ARL6IP6: variants seen among roughly 807,000 people sequenced by gnomAD.
The protein encoded by ARL6IP6 is ARF like GTPase 6 interacting protein 6, also known as ADP-ribosylation factor-like protein 6-interacting protein 6.
A neutral mutation model predicts 21.5 loss-of-function variants in ARL6IP6; 22 were observed. That is an observed-to-expected ratio of 1.02 (90% CI 0.73 to 1.46). ARL6IP6 has a LOEUF of 1.46. Ranked by LOEUF, ARL6IP6 falls within the 40% of genes most tolerant of loss-of-function variation. The probability of loss-of-function intolerance (pLI) is 0.00; values close to 1 mark genes in which losing one functional copy is unlikely to be tolerated. For missense variants in ARL6IP6, 388 were observed against 299.8 expected (o/e 1.29, Z -2.17); for synonymous variants, 164 against 125.3 (o/e 1.31, Z -2.06).
At chr2:152,758,368 A>T (rs887867330) in intron 3 of ARL6IP6, among the ~76,000 whole-genome samples, 1 of 152,060 alleles carries the variant, frequency 6.6e-6, no homozygotes, top group African/African-American at 2.4e-5. Context: ...GATATGGAAG[A>T]CCGAACTGTA....
At chr2:152,737,776 G>C (rs1384155169) in intron 3 of ARL6IP6, among the ~76,000 whole-genome samples, 1 of 152,092 alleles carries the variant, frequency 6.6e-6, no homozygotes, top group Non-Finnish European at 1.5e-5. Context: ...CAACACATGG[G>C]AATTATGGGA....
intron 1 of ARL6IP6, 61 bp downstream of exon 1, chr2:152,719,085 C>A: frequency 1.4e-6 from 2 of 1,436,772 alleles, no homozygotes; most frequent in South Asian, 3.0e-5. Flanking sequence ...GTGTGGCTCT[C>A]GTCTCCACCC....
chr2:152,738,751 G>A (rs565063538), intron 3 of ARL6IP6, among the ~76,000 whole-genome samples: 3 of 152,232 alleles, frequency 2.0e-5, no homozygotes, highest in Admixed American at 2.0e-4. Context: ...AGGCTGCTGG[G>A]AAGACCTCTG....
intron 2 of ARL6IP6, among the ~76,000 whole-genome samples, chr2:152,722,580 A>G (rs1201161241): frequency 6.6e-6 from 1 of 152,184 alleles, no homozygotes; most frequent in Non-Finnish European, 1.5e-5. Context: ...TCAGTGAAAC[A>G]GGGCCAAGAT....
rs1392227519 is a variant in ARL6IP6 at position 152,761,203 on chromosome 2, C to T, written c.*1363C>T. Reference sequence around the variant, plus strand: ...CGCATTTCTTTTACTATTCAAAACTCTTTGGTTGGAAATGACTAATACTGC... The same window carrying T: ...CGCATTTCTTTTACTATTCAAAACTTTTTGGTTGGAAATGACTAATACTGC... On this transcript the variant is annotated 3_prime_UTR_variant, in exon 4 of 4. Coordinates refer to ENST00000326446, the MANE Select transcript of ARL6IP6 (RefSeq NM_152522.7). 6.6e-6 allele frequency: 1 copy of T among 152,098 alleles called. No homozygotes were observed. Among genetic ancestry groups the T allele is most frequent in the Non-Finnish European group, 1.5e-5 (1 of 68,008 alleles). The allele number at this position is 152,098 out of a possible 1,614,324, so 9.4% of individuals were successfully genotyped here.
At chr2:152,722,095 T>A (rs1472278481) in intron 2 of ARL6IP6, among the ~76,000 whole-genome samples, 1 of 152,150 alleles carries the variant, frequency 6.6e-6, no homozygotes, top group African/African-American at 2.4e-5. Context: ...CATTTAGGAG[T>A]AGAATGACGG....
intron 3 of ARL6IP6, among the ~76,000 whole-genome samples, chr2:152,758,208 C>T (rs10178613): frequency 0.2 from 30,574 of 151,962 alleles, 4,007 homozygotes; most frequent in Non-Finnish European, 0.3. Flanking sequence ...TAATATTATA[C>T]CTAATACAAT....
intron 3 of ARL6IP6, among the ~76,000 whole-genome samples, chr2:152,736,577 T>G (rs2105133689): frequency 6.6e-6 from 1 of 152,316 alleles, no homozygotes. Context: ...ATTTTCACTG[T>G]TTTTGTACTA....
intron 3 of ARL6IP6, among the ~76,000 whole-genome samples, chr2:152,752,069 G>A (rs1237896100): frequency 6.6e-6 from 1 of 152,174 alleles, no homozygotes; most frequent in Non-Finnish European, 1.5e-5. Context: ...ATAAAGGTAA[G>A]TTGCTTCTGA....
intron 2 of ARL6IP6, among the ~76,000 whole-genome samples, chr2:152,724,299 A>G (rs1394296550): frequency 6.6e-5 from 10 of 152,338 alleles, no homozygotes; most frequent in Non-Finnish European, 2.9e-5. Context: ...ATAATGTTTC[A>G]GTAATTAACA....
At chr2:152,717,805 GCCCGAGTTACGTACGC>G (rs1699216000), upstream of ARL6IP6, 8 of 1,161,052 alleles carry the variant, frequency 6.9e-6, no homozygotes, top group South Asian at 4.0e-5. Context: ...CACCCTCCCC[GCCCGAGTTACGTACGC>G]CCCACAAACC....
Position 152,718,753 on chromosome 2 carries a change from CGAG to C in ARL6IP6, c.137_139del (p.Glu46del). Reference sequence around the variant, plus strand: ...ACAGCTGGGGTGAAGGCGAAGTCGACGAGGAGGAGGGATGCGACCAAGTGGCCC... The same window carrying C: ...ACAGCTGGGGTGAAGGCGAAGTCGACGAGGAGGGATGCGACCAAGTGGCCC... On this transcript the variant is annotated inframe_deletion, in exon 1 of 4. Transcript: ENST00000326446. 1 of 1,610,172 alleles carries C rather than the reference CGAG, an allele frequency of 6.2e-7. No individual in the cohort carries two copies. Among genetic ancestry groups the C allele is most frequent in the Non-Finnish European group, 8.5e-7 (1 of 1,178,242 alleles).
At chr2:152,744,230 A>G (rs755216441) in intron 3 of ARL6IP6, among the ~76,000 whole-genome samples, 2 of 152,152 alleles carry the variant, frequency 1.3e-5, no homozygotes, top group African/African-American at 2.4e-5. Flanking sequence ...TTGAATTACC[A>G]GAAGTCAAAC....
At chr2:152,754,165 A>G (rs112076843) in intron 3 of ARL6IP6, among the ~76,000 whole-genome samples, 3 of 152,130 alleles carry the variant, frequency 2.0e-5, no homozygotes, top group African/African-American at 7.2e-5. Context: ...CTGCTAGAAC[A>G]TTTCTATCAC....
chr2:152,747,647 C>G (rs576081791), intron 3 of ARL6IP6, among the ~76,000 whole-genome samples: 20 of 152,006 alleles, frequency 1.3e-4, no homozygotes, highest in African/African-American at 4.8e-4. Flanking sequence ...ATGATCTTGG[C>G]TCACTGCAAC....
chr2:152,746,318 T>C (rs183380844), intron 3 of ARL6IP6, among the ~76,000 whole-genome samples: 1 of 152,266 alleles, frequency 6.6e-6, no homozygotes, highest in Non-Finnish European at 1.5e-5. Context: ...TGAGCCACCT[T>C]GCCCAGCTGC....
At chr2:152,732,524 C>G in intron 2 of ARL6IP6, 1 of 447,328 alleles carries the variant, frequency 2.2e-6, no homozygotes. Context: ...TTTTTATTGG[C>G]TTCTAGGAAT....
intron 3 of ARL6IP6, among the ~76,000 whole-genome samples, chr2:152,754,046 G>GT (rs369786630): frequency 0.034 from 4,891 of 143,812 alleles, 99 homozygotes; most frequent in Non-Finnish European, 0.048. Flanking sequence ...TTTGTTTTTT[G>GT]TTTTTTTTTT....
chr2:152,749,038 A>G (rs1201298890), intron 3 of ARL6IP6, among the ~76,000 whole-genome samples: 1 of 152,170 alleles, frequency 6.6e-6, no homozygotes, highest in Non-Finnish European at 1.5e-5. Context: ...AAAATATAAG[A>G]ATGTAGTCAC....
Sources: allele counts gnomAD v4.1 joint callset (sites outside exome capture counted in the v4.1 genomes callset), GRCh38; gene constraint gnomAD v4.1.1; transcripts MANE v1.5; gene names NCBI Gene and HGNC (gene_info 2026-07-23, HGNC 2026-07-21).